Variants in FHIT observed in about 807,000 individuals in gnomAD.
FHIT encodes bis(5'-adenosyl)-triphosphatase.
FHIT carries 19 observed loss-of-function variants against 17.9 expected under a neutral mutation model. That is an observed-to-expected ratio of 1.06 (90% CI 0.74 to 1.56). The LOEUF is 1.56. FHIT is among the 40% of genes most tolerant of loss of function. The pLI, the probability that FHIT is intolerant of heterozygous loss-of-function variation, is 0.00. For missense variants in FHIT, 248 were observed against 189.2 expected (o/e 1.31, Z -1.82); for synonymous variants, 81 against 69.7 (o/e 1.16, Z -0.81).
intron 2 of FHIT, among the ~76,000 whole-genome samples, chr3:61,157,402 G>C (rs1312873844): frequency 6.6e-6 from 1 of 152,066 alleles, no homozygotes; most frequent in Non-Finnish European, 1.5e-5. Context: ...AGAGAAACTT[G>C]AGCACATATG....
intron 5 of FHIT, among the ~76,000 whole-genome samples, chr3:60,309,721 T>G (rs945950824): frequency 6.6e-6 from 1 of 152,088 alleles, no homozygotes; most frequent in Non-Finnish European, 1.5e-5. Context: ...TATACCATAG[T>G]TGCTTGCTTC....
intron 5 of FHIT, among the ~76,000 whole-genome samples, chr3:60,320,820 A>C (rs1709393184): frequency 6.6e-6 from 1 of 152,204 alleles, no homozygotes; most frequent in Admixed American, 6.5e-5. Context: ...TAATATTTTA[A>C]TCTTTCTGAT....
At chr3:61,141,762 G>A (rs1217797658) in intron 2 of FHIT, among the ~76,000 whole-genome samples, 3 of 151,550 alleles carry the variant, frequency 2.0e-5, no homozygotes, top group Admixed American at 6.6e-5. Flanking sequence ...CTGACCCAGA[G>A]GAGGCTCCAG....
chr3:60,286,046 G>A (rs1430736533), intron 5 of FHIT, among the ~76,000 whole-genome samples: 1 of 152,140 alleles, frequency 6.6e-6, no homozygotes, highest in Non-Finnish European at 1.5e-5. Flanking sequence ...GAGGAAGCAG[G>A]GGTGGGGAGC....
intron 4 of FHIT, among the ~76,000 whole-genome samples, chr3:60,741,233 A>G (rs782191302): frequency 3.9e-5 from 6 of 152,228 alleles, no homozygotes; most frequent in Non-Finnish European, 5.9e-5. Flanking sequence ...ATAGCTAAAG[A>G]GTTCCTAATT....
At chr3:60,984,788 GTGT>G (rs1559887292) in intron 3 of FHIT, among the ~76,000 whole-genome samples, 3 of 1,668 alleles carry the variant, frequency 1.8e-3, no homozygotes, top group Non-Finnish European at 2.9e-3. Context: ...ATGAAGGGGT[GTGT>G]GTGTGTGTGT....
intron 4 of FHIT, among the ~76,000 whole-genome samples, chr3:60,782,030 C>A (rs1319847460): frequency 2.6e-5 from 4 of 152,270 alleles, no homozygotes; most frequent in African/African-American, 9.6e-5. Flanking sequence ...CTACTCCCAG[C>A]CTCTGGGAAC....
intron 4 of FHIT, among the ~76,000 whole-genome samples, chr3:60,603,491 G>GAGCA (rs1553669589): frequency 6.6e-6 from 1 of 151,338 alleles, no homozygotes; most frequent in Non-Finnish European, 1.5e-5. Flanking sequence ...CTCTTCAACT[G>GAGCA]TTCAGAGGGT....
At chr3:60,756,795 C>G (rs1699437926) in intron 4 of FHIT, among the ~76,000 whole-genome samples, 1 of 152,130 alleles carries the variant, frequency 6.6e-6, no homozygotes, top group South Asian at 2.1e-4. Context: ...CAGTCTTACC[C>G]AGCCAATTAG....
At chr3:59,762,242 T>G (rs1043127264) in intron 8 of FHIT, among the ~76,000 whole-genome samples, 1 of 152,190 alleles carries the variant, frequency 6.6e-6, no homozygotes, top group African/African-American at 2.4e-5. Context: ...TGAAAACTTA[T>G]GAATTGTTTA....
At chr3:61,130,478 A>G (rs1370523511) in intron 2 of FHIT, among the ~76,000 whole-genome samples, 2 of 152,240 alleles carry the variant, frequency 1.3e-5, no homozygotes, top group Non-Finnish European at 2.9e-5. Flanking sequence ...TAAAGAAATC[A>G]TTTGATCATT....
At position 60,583,174 on chromosome 3, in the gene FHIT, C is replaced by T. The variant is rs1209665071; in HGVS notation, c.-17-46195G>A. ...GGCAGAATGAGAAATTCCTTATTCT[C>T]CTTACTGGTTTTATATTTTAACAGT... On this transcript the variant is annotated intron_variant, in intron 4 of 9. Coordinates refer to ENST00000492590, the MANE Select transcript of FHIT (RefSeq NM_002012.4). Among the ~76,000 whole-genome samples the T allele has an allele frequency of 2.0e-5, 3 of 151,948 alleles. No individual in the cohort carries two copies. In the East Asian group the frequency reaches 5.8e-4, roughly 30 times the overall value.
chr3:60,445,711 C>T (rs548861328), intron 5 of FHIT, among the ~76,000 whole-genome samples: 31 of 151,802 alleles, frequency 2.0e-4, no homozygotes, highest in Non-Finnish European at 3.8e-4. Flanking sequence ...TGTAGACACA[C>T]GATTTTCTTT....
chr3:60,293,616 C>G (rs979097666), intron 5 of FHIT, among the ~76,000 whole-genome samples: 1 of 151,658 alleles, frequency 6.6e-6, no homozygotes, highest in African/African-American at 2.4e-5. Context: ...AATATGCCTG[C>G]TGGTTGGAAT....
At chr3:60,653,138 T>C (rs1383789852) in intron 4 of FHIT, among the ~76,000 whole-genome samples, 3 of 152,104 alleles carry the variant, frequency 2.0e-5, no homozygotes, top group Non-Finnish European at 4.4e-5. Context: ...CAAGAAAGTC[T>C]ACCACAGAAA....
chr3:60,073,744 T>C (rs76079511), intron 5 of FHIT, among the ~76,000 whole-genome samples: 63 of 152,216 alleles, frequency 4.1e-4, no homozygotes, highest in Non-Finnish European at 6.9e-4. Flanking sequence ...CCTGTGGCCC[T>C]TGACTCACTG....
At chr3:60,606,688 G>A (rs909604013) in intron 4 of FHIT, among the ~76,000 whole-genome samples, 6 of 152,118 alleles carry the variant, frequency 3.9e-5, no homozygotes, top group Non-Finnish European at 7.4e-5. Flanking sequence ...GAAAAAGGAT[G>A]AGCATGTGTC....
At chr3:60,321,962 T>C (rs1305288749) in intron 5 of FHIT, among the ~76,000 whole-genome samples, 2 of 152,216 alleles carry the variant, frequency 1.3e-5, no homozygotes, top group Admixed American at 6.5e-5. Context: ...TACCTCTTAA[T>C]AGAATCATGT....
chr3:60,156,004 T>C (rs1359300758), intron 5 of FHIT, among the ~76,000 whole-genome samples: 1 of 152,174 alleles, frequency 6.6e-6, no homozygotes. Flanking sequence ...AATTGTTGCT[T>C]AGTAACCATT....
Sources: allele counts gnomAD v4.1 joint callset (sites outside exome capture counted in the v4.1 genomes callset), GRCh38; gene constraint gnomAD v4.1.1; transcripts MANE v1.5; gene names NCBI Gene and HGNC (gene_info 2026-07-23, HGNC 2026-07-21).